The following OXCT1 variants were observed in gnomAD, a reference collection of about 807,000 sequenced individuals.
OXCT1 encodes 3-oxoacid CoA-transferase 1.
A neutral mutation model predicts 69.6 loss-of-function variants in OXCT1; 27 were observed. That is an observed-to-expected ratio of 0.39 (90% CI 0.29 to 0.54). OXCT1 has a LOEUF of 0.54. OXCT1 is among the 20% of genes least tolerant of loss of function. The pLI is 0.72. For missense variants in OXCT1, 437 were observed against 650.2 expected (o/e 0.67, Z 3.57); for synonymous variants, 202 against 217.8 (o/e 0.93, Z 0.64).
At chr5:41,813,630 G>T (rs976021384) in intron 7 of OXCT1, among the ~76,000 whole-genome samples, 1 of 152,072 alleles carries the variant, frequency 6.6e-6, no homozygotes, top group Admixed American at 6.6e-5. Flanking sequence ...GCAAGGGTTT[G>T]GGTGCATCCC....
At chr5:41,765,555 G>A (rs1437184567) in intron 13 of OXCT1, among the ~76,000 whole-genome samples, 2 of 152,142 alleles carry the variant, frequency 1.3e-5, no homozygotes, top group Non-Finnish European at 1.5e-5. Flanking sequence ...CAAATTATAT[G>A]GAAGGGTGAG....
intron 6 of OXCT1, among the ~76,000 whole-genome samples, chr5:41,841,299 G>C (rs981805180): frequency 3.3e-5 from 5 of 152,146 alleles, no homozygotes; most frequent in African/African-American, 1.2e-4. Context: ...CTTTTGCTCA[G>C]ATTGAAGAAT....
intron 13 of OXCT1, among the ~76,000 whole-genome samples, chr5:41,791,127 C>T (rs1043017861): frequency 1.3e-5 from 2 of 152,262 alleles, no homozygotes; most frequent in East Asian, 3.9e-4. Context: ...AACTAAACCT[C>T]ATGGACTTGA....
intron 14 of OXCT1, among the ~76,000 whole-genome samples, chr5:41,753,306 CAT>C (rs1449352049): frequency 1.6e-4 from 16 of 102,662 alleles, no homozygotes; most frequent in African/African-American, 3.3e-4. Flanking sequence ...CACACACACA[CAT>C]AGACACACAC....
chr5:41,820,280 G>C (rs905337794), intron 7 of OXCT1, among the ~76,000 whole-genome samples: 2 of 152,180 alleles, frequency 1.3e-5, no homozygotes, highest in Admixed American at 6.5e-5. Flanking sequence ...ATGTTGTTGA[G>C]AGTAGTTCCA....
intron 15 of OXCT1, among the ~76,000 whole-genome samples, chr5:41,744,353 G>C (rs1236532915): frequency 6.6e-6 from 1 of 152,140 alleles, no homozygotes; most frequent in Non-Finnish European, 1.5e-5. Flanking sequence ...ATCAGCTTAA[G>C]GAGATTTTGG....
At chr5:41,818,534 A>AAG (rs1213272516) in intron 7 of OXCT1, among the ~76,000 whole-genome samples, 2 of 152,232 alleles carry the variant, frequency 1.3e-5, no homozygotes, top group Admixed American at 1.3e-4. Flanking sequence ...AAAAATTCAC[A>AAG]AGAGAGTTCA....
At chr5:41,818,171 C>T (rs1747339759) in intron 7 of OXCT1, among the ~76,000 whole-genome samples, 2 of 152,084 alleles carry the variant, frequency 1.3e-5, no homozygotes, top group Non-Finnish European at 1.5e-5. Flanking sequence ...ACAAAGTGCT[C>T]ACAGTTTCAT....
At chr5:41,842,637 G>A in intron 6 of OXCT1, 38 bp downstream of exon 6, 2 of 1,349,360 alleles carry the variant, frequency 1.5e-6, no homozygotes, top group Non-Finnish European at 2.1e-6. Flanking sequence ...TTTTAGAGTT[G>A]CTGATATGCA....
intron 13 of OXCT1, among the ~76,000 whole-genome samples, chr5:41,784,967 G>GA (rs1188446060): frequency 6.6e-6 from 1 of 152,040 alleles, no homozygotes; most frequent in African/African-American, 2.4e-5. Context: ...TGTAAATAAG[G>GA]AAACTAAACA....
chr5:41,838,997 A>G (rs1481259350), intron 7 of OXCT1, among the ~76,000 whole-genome samples: 2 of 152,216 alleles, frequency 1.3e-5, no homozygotes, highest in Non-Finnish European at 2.9e-5. Context: ...CTGTATTGAA[A>G]GAGACCCTAA....
At chr5:41,767,227 T>C (rs965588860) in intron 13 of OXCT1, among the ~76,000 whole-genome samples, 5 of 152,202 alleles carry the variant, frequency 3.3e-5, no homozygotes, top group Non-Finnish European at 5.9e-5. Context: ...ATTTCTCTTT[T>C]CTGTGTTACA....
chr5:41,852,633 C>T (rs896341552), intron 4 of OXCT1, among the ~76,000 whole-genome samples: 1 of 152,160 alleles, frequency 6.6e-6, no homozygotes, highest in Non-Finnish European at 1.5e-5. Context: ...ATTATAGTAA[C>T]TGCTTGCTTT....
chr5:41,742,508 T>A (rs1368718223), intron 15 of OXCT1, among the ~76,000 whole-genome samples: 2 of 152,188 alleles, frequency 1.3e-5, no homozygotes, highest in Non-Finnish European at 2.9e-5. Context: ...ACACTTTAAG[T>A]TTTAGGGTAC....
At chr5:41,781,095 G>C (rs925267123) in intron 13 of OXCT1, among the ~76,000 whole-genome samples, 2 of 151,988 alleles carry the variant, frequency 1.3e-5, no homozygotes, top group African/African-American at 4.8e-5. Flanking sequence ...AGTAGAGACG[G>C]GGTTTCACCA....
At chr5:41,810,382 CT>C (rs1746910073) in intron 7 of OXCT1, among the ~76,000 whole-genome samples, 1 of 151,992 alleles carries the variant, frequency 6.6e-6, no homozygotes, top group African/African-American at 2.4e-5. Flanking sequence ...AAGGAAAAGC[CT>C]CAGGGCAAAG....
At chr5:41,764,220 T>C (rs939157894) in intron 13 of OXCT1, among the ~76,000 whole-genome samples, 1 of 152,152 alleles carries the variant, frequency 6.6e-6, no homozygotes, top group African/African-American at 2.4e-5. Context: ...ACACCTGAGA[T>C]CTAGCCTGTT....
intron 7 of OXCT1, among the ~76,000 whole-genome samples, chr5:41,818,941 AG>A (rs1747389612): frequency 6.6e-6 from 1 of 151,914 alleles, no homozygotes; most frequent in African/African-American, 2.4e-5. Flanking sequence ...AAAAAGAAAA[AG>A]AAAAAAAGCA....
intron 7 of OXCT1, among the ~76,000 whole-genome samples, chr5:41,829,862 C>T (rs1748006350): frequency 6.6e-6 from 1 of 152,100 alleles, no homozygotes; most frequent in Admixed American, 6.5e-5. Flanking sequence ...TCATTGAGTA[C>T]ATCTTCATTA....
Sources: gnomAD v4.1 joint callset for allele counts (sites outside exome capture counted in the v4.1 genomes callset) on GRCh38, gnomAD v4.1.1 for gene constraint, MANE v1.5 for transcripts, NCBI Gene and HGNC (gene_info 2026-07-23, HGNC 2026-07-21) for gene names.